Variants in LAMA2 observed in about 807,000 individuals in gnomAD.
The protein encoded by LAMA2 is laminin subunit alpha-2.
LAMA2 carries 269 observed loss-of-function variants against 364.8 expected under a neutral mutation model. The observed-to-expected ratio is 0.74, with a 90% confidence interval of 0.67 to 0.82. The LOEUF is 0.82. LAMA2 is among the 40% of genes least tolerant of loss of function. The probability of loss-of-function intolerance (pLI) is 0.00; values close to 1 mark genes in which losing one functional copy is unlikely to be tolerated. For missense variants in LAMA2, 3,807 were observed against 3,873.2 expected (o/e 0.98, Z 0.45); for synonymous variants, 1,379 against 1,370.6 (o/e 1.01, Z -0.14).
At chr6:129,368,988 G>C (rs1777926905) in intron 33 of LAMA2, among the ~76,000 whole-genome samples, 1 of 152,184 alleles carries the variant, frequency 6.6e-6, no homozygotes, top group Non-Finnish European at 1.5e-5. Flanking sequence ...ATTGTGGGCT[G>C]TCTCAATAAG....
chr6:129,170,078 G>A (rs951598362), intron 9 of LAMA2, among the ~76,000 whole-genome samples: 108 of 151,428 alleles, frequency 7.1e-4, no homozygotes, highest in Middle Eastern at 3.4e-3. Flanking sequence ...TCTTGCTAGC[G>A]GTCTATCAAT....
intron 40 of LAMA2, among the ~76,000 whole-genome samples, chr6:129,422,940 G>A (rs918125892): frequency 6.6e-6 from 1 of 151,918 alleles, no homozygotes; most frequent in African/African-American, 2.4e-5. Context: ...AAAGTTCATG[G>A]CAAAGTTATA....
intron 18 of LAMA2, among the ~76,000 whole-genome samples, chr6:129,282,792 G>GC (rs1164386701): frequency 6.6e-6 from 1 of 152,002 alleles, no homozygotes; most frequent in Non-Finnish European, 1.5e-5. Flanking sequence ...TTTTCCATCT[G>GC]CCTTTCCAAA....
Position 129,320,645 on chromosome 6 carries a change from T to G in LAMA2, c.4166T>G (p.Leu1389Arg). The G allele has an allele frequency of 6.2e-7, 1 of 1,603,288 alleles. No individual in the cohort carries two copies. Among genetic ancestry groups the G allele is most frequent in the Non-Finnish European group, 8.5e-7 (1 of 1,170,226 alleles). The change falls in exon 28 of 65, where the codon CTG becomes CGG. Residue 1389 changes from leucine (L) to arginine (R), a missense_variant. By Grantham distance (102) the Leu-to-Arg change is moderately radical. Transcript: ENST00000421865. ...GATTGTCCCCTGGGCTATTCTGGCC[T>G]GTCCTGTGAGGTAAGCTACCTCCTA... ...KCDCPLGYSG[L>R]SCEACLPGFY...
At position 129,286,979 on chromosome 6, in the gene LAMA2, GGA is replaced by G. The variant is rs796858166; in HGVS notation, c.2538-867_2538-866del. On this transcript the variant is annotated intron_variant, in intron 18 of 64. Transcript: ENST00000421865. ...AGACAAAGAAAGAAAGAAACAGAGAGGAAGGAAGGAAGGAAGGGAGGAAAGAG... is the reference window on the plus strand; with the variant it reads ...AGACAAAGAAAGAAAGAAACAGAGAGAGGAAGGAAGGAAGGGAGGAAAGAG... 1.2e-3 allele frequency among the ~76,000 whole-genome samples: 48 copies of G among 41,074 alleles called. 6 individuals are homozygous for G. The highest frequency in any genetic ancestry group is 3.0e-3 in the African/African-American group (34 of 11,498). 26.9% of individuals were successfully genotyped at this position (41,074 alleles called of 152,430 possible).
intron 1 of LAMA2, among the ~76,000 whole-genome samples, chr6:128,913,224 C>T (rs77581233): frequency 0.012 from 1,805 of 152,230 alleles, 20 homozygotes; most frequent in Non-Finnish European, 0.016. Context: ...ATCATTAGCG[C>T]ATTGACAATT....
rs574760223 is a variant in LAMA2 at position 129,501,992 on chromosome 6, G to A, written c.8245-667G>A. On this transcript the variant is annotated intron_variant, in intron 58 of 64. Coordinates refer to ENST00000421865, the MANE Select transcript of LAMA2 (RefSeq NM_000426.4). The stretch of plus-strand genomic sequence containing the variant: ...GTGACAGCAGAGCATTAAACCATGT[G>A]ACTGCACAGCCCCGCACCTAGCTCT... 4.7e-4 allele frequency among the ~76,000 whole-genome samples: 71 copies of A among 152,302 alleles called. No homozygotes were observed. The Middle Eastern group carries it at 0.01, about 22-fold the overall frequency.
At chr6:128,900,709 C>T (rs573383438) in intron 1 of LAMA2, among the ~76,000 whole-genome samples, 1 of 152,232 alleles carries the variant, frequency 6.6e-6, no homozygotes, top group Non-Finnish European at 1.5e-5. Context: ...TAAAATACGC[C>T]CTGCTGCTTT....
intron 3 of LAMA2, among the ~76,000 whole-genome samples, chr6:129,078,082 A>G (rs1272577278): frequency 2.0e-5 from 3 of 151,926 alleles, no homozygotes; most frequent in African/African-American, 4.8e-5. Context: ...TAGTGATAAT[A>G]GGGGAGGTTA....
At chr6:128,905,537 G>A (rs1271327748) in intron 1 of LAMA2, 1 of 152,062 alleles carries the variant, frequency 6.6e-6, no homozygotes, top group Non-Finnish European at 1.5e-5. Context: ...GATATTTAGA[G>A]TATGATATAA....
chr6:129,059,148 T>A (rs1355241127), intron 2 of LAMA2, among the ~76,000 whole-genome samples: 1 of 152,198 alleles, frequency 6.6e-6, no homozygotes, highest in African/African-American at 2.4e-5. Context: ...AGAGTAAAAC[T>A]TATTTCAGCA....
At chr6:129,195,804 G>T (rs908501007) in intron 12 of LAMA2, among the ~76,000 whole-genome samples, 1 of 152,204 alleles carries the variant, frequency 6.6e-6, no homozygotes, top group South Asian at 2.1e-4. Context: ...CTGGTTTGCT[G>T]CAGGCTACAG....
intron 58 of LAMA2, among the ~76,000 whole-genome samples, chr6:129,499,719 A>C (rs1267420602): frequency 6.6e-6 from 1 of 151,846 alleles, no homozygotes; most frequent in Non-Finnish European, 1.5e-5. Context: ...TGAACACATC[A>C]TGTTTTTTTT....
intron 1 of LAMA2, among the ~76,000 whole-genome samples, chr6:128,894,105 G>A (rs1164482193): frequency 6.6e-6 from 1 of 152,102 alleles, no homozygotes; most frequent in Non-Finnish European, 1.5e-5. Context: ...GTTTTCAAAA[G>A]ATTGGCTGCA....
chr6:129,196,022 T>C (rs914620948), intron 12 of LAMA2, among the ~76,000 whole-genome samples: 1 of 152,228 alleles, frequency 6.6e-6, no homozygotes, highest in Non-Finnish European at 1.5e-5. Flanking sequence ...TGCATTACCA[T>C]TAAGGTTTGA....
chr6:128,918,945 T>C (rs1778522874), intron 1 of LAMA2, among the ~76,000 whole-genome samples: 2 of 152,156 alleles, frequency 1.3e-5, no homozygotes, highest in Non-Finnish European at 2.9e-5. Context: ...ATTAAATGTA[T>C]CAACGTAGGT....
At chr6:128,934,379 T>G (rs1779684175) in intron 1 of LAMA2, among the ~76,000 whole-genome samples, 1 of 152,238 alleles carries the variant, frequency 6.6e-6, no homozygotes, top group Non-Finnish European at 1.5e-5. Flanking sequence ...GCTTCTGGCT[T>G]TGTCCTTCTT....
At chr6:129,204,400 A>T (rs999360176) in intron 12 of LAMA2, among the ~76,000 whole-genome samples, 1 of 151,632 alleles carries the variant, frequency 6.6e-6, no homozygotes, top group Non-Finnish European at 1.5e-5. Flanking sequence ...ACTAGTCAGT[A>T]TTCTGTGGCT....
Position 129,250,119 on chromosome 6 carries a change from C to G in LAMA2, c.1790C>G (p.Ala597Gly), listed in dbSNP as rs1786064597. The change falls in exon 13 of 65, where the codon GCA (alanine) becomes GGA (glycine). Residue 597 changes from alanine to glycine, a missense_variant. Ala to Gly is a moderately conservative substitution (Grantham distance 60). Coordinates refer to ENST00000421865, the MANE Select transcript of LAMA2 (RefSeq NM_000426.4). ...GCATCTTCTGTCTTGTAGCTCCCAG[C>G]AGTAGGAGGACAGTTGACATTTACC... The part of the protein sequence containing the change: ...PAPYLGNKLP[A>G]VGGQLTFTIS... 1.3e-6 allele frequency: 2 copies of G among 1,591,540 alleles called. No homozygotes were observed. The highest frequency in any genetic ancestry group is 2.2e-5 in the South Asian group (2 of 90,566).
Sources: gnomAD v4.1 joint callset for allele counts (sites outside exome capture counted in the v4.1 genomes callset) on GRCh38, gnomAD v4.1.1 for gene constraint, MANE v1.5 for transcripts, NCBI Gene and HGNC (gene_info 2026-07-23, HGNC 2026-07-21) for gene names.